Variants in PPP2R2C observed in about 807,000 individuals in gnomAD.
The protein encoded by PPP2R2C is protein phosphatase 2 regulatory subunit Bgamma, also known as protein phosphatase 2, regulatory subunit B, gamma.
PPP2R2C carries 10 observed loss-of-function variants against 45.3 expected under a neutral mutation model. The observed-to-expected ratio is 0.22, with a 90% CI of 0.14 to 0.37. The LOEUF (loss-of-function observed/expected upper bound fraction) is 0.37. Ranked by LOEUF, PPP2R2C falls within the 10% of genes least tolerant of loss-of-function variation. PPP2R2C has a pLI of 1.00. For synonymous variants in PPP2R2C, 257 were observed against 245.4 expected, an observed-to-expected ratio of 1.05 and a Z score of -0.44; for missense variants, 308 against 619.7, an observed-to-expected ratio of 0.50 and a Z score of 5.34.
intron 1 of PPP2R2C, among the ~76,000 whole-genome samples, chr4:6,422,838 A>G (rs1308586371): frequency 1.3e-5 from 2 of 152,222 alleles, no homozygotes; most frequent in Non-Finnish European, 2.9e-5. Context: ...GAGCAGACAC[A>G]ATTCAGCCCA....
intron 2 of PPP2R2C, among the ~76,000 whole-genome samples, chr4:6,524,463 G>A (rs950546059): frequency 9.9e-5 from 15 of 152,204 alleles, no homozygotes; most frequent in Non-Finnish European, 4.4e-5. Flanking sequence ...AGCAAAAAAC[G>A]ATTCACGAAT....
chr4:6,357,812 C>T (rs370123992), intron 5 of PPP2R2C, among the ~76,000 whole-genome samples: 91 of 152,302 alleles, frequency 6.0e-4, no homozygotes, highest in African/African-American at 2.0e-3. Context: ...GTCAGCAAAG[C>T]GGGGTTTCTT....
chr4:6,374,416 T>C (rs771345944), intron 4 of PPP2R2C, among the ~76,000 whole-genome samples: 1 of 152,060 alleles, frequency 6.6e-6, no homozygotes, highest in African/African-American at 2.4e-5. Flanking sequence ...GAGTAAAACA[T>C]GCTGCCTCCG....
At position 6,331,797 on chromosome 4, in the gene PPP2R2C, C is replaced by T. The variant is rs1007516566; in HGVS notation, c.960+1765G>A. Among the ~76,000 whole-genome samples the T allele has an allele frequency of 6.6e-6, 1 of 152,144 alleles. No homozygotes were observed. The highest frequency in any genetic ancestry group is 1.9e-4 in the East Asian group (1 of 5,176). On this transcript the variant is annotated intron_variant, in intron 7 of 8. Coordinates refer to ENST00000382599, the MANE Select transcript of PPP2R2C (RefSeq NM_020416.4). The surrounding 1 kb of genome is among the most constrained non-coding windows in gnomAD (Gnocchi z 5.9). ...CGCTGCCGGGGTCATGGAGCCCCCC[C>T]ACCTTCCTGGACTGCCCTCTCCAGA... is the stretch of plus-strand genomic sequence containing the variant.
At chr4:6,432,295 G>A (rs114271263) in intron 1 of PPP2R2C, among the ~76,000 whole-genome samples, 16 of 152,314 alleles carry the variant, frequency 1.1e-4, no homozygotes, top group South Asian at 2.1e-4. Flanking sequence ...GAAACAAGTC[G>A]GAGGAGGCCA....
At chr4:6,325,385 G>T (rs765536600) in intron 8 of PPP2R2C, among the ~76,000 whole-genome samples, 5 of 152,206 alleles carry the variant, frequency 3.3e-5, no homozygotes, top group Non-Finnish European at 5.9e-5. Flanking sequence ...GAAGCAGCAT[G>T]CGAGGGGGGC....
At chr4:6,505,899 G>A (rs1723212706) in intron 2 of PPP2R2C, among the ~76,000 whole-genome samples, 1 of 152,144 alleles carries the variant, frequency 6.6e-6, no homozygotes, top group African/African-American at 2.4e-5. Context: ...CCAGGAGGTG[G>A]AGGTTTTAGT....
rs939551395 is a variant in PPP2R2C, at chr4:6,384,381, C to T, written c.71-3287G>A. The T allele has an allele frequency of 5.1e-6, 5 of 985,174 alleles. No individual in the cohort carries two copies. In the African/African-American group the frequency reaches 8.7e-5, roughly 17 times the overall value. 61.0% of individuals were successfully genotyped at this position (985,174 alleles called of 1,614,324 possible). ...GGAAAAAAGCTGGAAGAGAATTCTC[C>T]AAAATGTGAACGGAGGTAGCTTTAG... is the stretch of plus-strand genomic sequence containing the variant. On this transcript the variant is annotated intron_variant, in intron 1 of 8. Transcript: ENST00000382599.
intron 1 of PPP2R2C, among the ~76,000 whole-genome samples, chr4:6,458,588 T>A (rs1721167285): frequency 6.6e-6 from 1 of 152,142 alleles, no homozygotes; most frequent in East Asian, 1.9e-4. Flanking sequence ...GAGGGGGTAC[T>A]TAAACATTCA....
At chr4:6,342,081 T>TAC (rs58305750) in intron 6 of PPP2R2C, among the ~76,000 whole-genome samples, 1,476 of 139,664 alleles carry the variant, frequency 0.011, 20 homozygotes, top group East Asian at 0.072. Context: ...TCTGCCACGA[T>TAC]ACACACACAC....
chr4:6,360,998 C>T (rs923352012), intron 5 of PPP2R2C, among the ~76,000 whole-genome samples: 1 of 152,194 alleles, frequency 6.6e-6, no homozygotes, highest in African/African-American at 2.4e-5. Context: ...GGATTAGGGT[C>T]TACCCTGCCA....
At chr4:6,369,925 T>TG (rs59473017) in intron 5 of PPP2R2C, among the ~76,000 whole-genome samples, 17,546 of 152,050 alleles carry the variant, frequency 0.12, 2,325 homozygotes, top group African/African-American at 0.33. Context: ...TAGAAAGGCG[T>TG]GGGGAATGAA....
Position 6,323,176 on chromosome 4 carries a change from TG to T in PPP2R2C, c.*125del. ...GCCCAAACTTCCTGTGTCCACACACTGCCACCTCTGCAGCTGTCCTCATCAG... is the reference window on the plus strand; with the variant it reads ...GCCCAAACTTCCTGTGTCCACACACTCCACCTCTGCAGCTGTCCTCATCAG... On this transcript the variant is annotated 3_prime_UTR_variant, in exon 9 of 9. Transcript: ENST00000382599. The T allele has an allele frequency of 1.7e-6, 2 of 1,171,644 alleles. No homozygotes were observed. Among genetic ancestry groups the T allele is most frequent in the Non-Finnish European group, 2.3e-6 (2 of 868,702 alleles). 72.6% of individuals were successfully genotyped at this position (1,171,644 alleles called of 1,614,324 possible).
intron 6 of PPP2R2C, among the ~76,000 whole-genome samples, chr4:6,336,238 C>T (rs1325064672): frequency 6.6e-6 from 1 of 152,042 alleles, no homozygotes; most frequent in African/African-American, 2.4e-5. Flanking sequence ...GGCCTGCCTG[C>T]GACCTCAATC....
At position 6,375,799 on chromosome 4, in the gene PPP2R2C, T is replaced by A; in HGVS notation, c.447+20A>T. On this transcript the variant is annotated intron_variant, in intron 4 of 8. Transcript: ENST00000382599. ...TGTAATAAAGAGGCGTGTGCCTGCT[T>A]CCCCCTCACCGGAGCTCACCTGCAG... The A allele has an allele frequency of 6.4e-7, 1 of 1,566,522 alleles. No individual in the cohort carries two copies. Among genetic ancestry groups the A allele is most frequent in the Non-Finnish European group, 8.7e-7 (1 of 1,143,896 alleles).
At chr4:6,494,286 C>T (rs1013171001) in intron 2 of PPP2R2C, among the ~76,000 whole-genome samples, 32 of 152,206 alleles carry the variant, frequency 2.1e-4, no homozygotes, top group African/African-American at 7.0e-4. Flanking sequence ...CCCAAATCGC[C>T]GTCAACCTGG....
rs80290617 is a variant in PPP2R2C at position 6,322,440 on chromosome 4, A to G, written c.*862T>C. 6.6e-6 allele frequency: 1 copy of G among 152,236 alleles called. No homozygotes were observed. Among genetic ancestry groups the G allele is most frequent in the Non-Finnish European group, 1.5e-5 (1 of 68,064 alleles). 9.4% of individuals were successfully genotyped at this position (152,236 alleles called of 1,614,324 possible). On this transcript the variant is annotated 3_prime_UTR_variant, in exon 9 of 9. Coordinates refer to ENST00000382599, the MANE Select transcript of PPP2R2C (RefSeq NM_020416.4). This position sits in a 1 kb window ranked among gnomAD's most constrained non-coding sequence, Gnocchi z 7.8. ...ACAGTCAGGAGGAAGATTCCAAAAAATCGTGCATGGGAGTCAGTGTCCGCT... is the reference window on the plus strand; with the variant it reads ...ACAGTCAGGAGGAAGATTCCAAAAAGTCGTGCATGGGAGTCAGTGTCCGCT...
chr4:6,444,854 A>G (rs1178366871), intron 1 of PPP2R2C, among the ~76,000 whole-genome samples: 1 of 152,292 alleles, frequency 6.6e-6, no homozygotes, highest in African/African-American at 2.4e-5. Context: ...GATCGTTTCC[A>G]TGTGTTCACC....
At chr4:6,341,821 C>T (rs1421999064) in intron 6 of PPP2R2C, among the ~76,000 whole-genome samples, 2 of 152,082 alleles carry the variant, frequency 1.3e-5, no homozygotes, top group Non-Finnish European at 2.9e-5. Flanking sequence ...TGGAAAAGAT[C>T]AGAAAACAGC....
Sources: gnomAD v4.1 joint callset for allele counts (sites outside exome capture counted in the v4.1 genomes callset) on GRCh38, gnomAD v4.1.1 for gene constraint, Gnocchi (gnomAD v3.1) non-coding constraint, MANE v1.5 for transcripts, NCBI Gene and HGNC (gene_info 2026-07-23, HGNC 2026-07-21) for gene names.